The following MATN2 variants were observed in gnomAD, a reference collection of about 807,000 sequenced individuals.
The protein encoded by MATN2 is matrilin-2.
Under a neutral mutation model 103.2 loss-of-function variants are expected in MATN2, and 69 were observed. That is an observed-to-expected ratio of 0.67 (90% CI 0.55 to 0.82). The LOEUF (loss-of-function observed/expected upper bound fraction) is 0.82, where lower values mean the gene tolerates loss of function less well. Among genes scored for constraint, MATN2 ranks in the 40% least tolerant of loss-of-function variants. The probability of loss-of-function intolerance (pLI) is 0.00; values close to 1 mark genes in which losing one functional copy is unlikely to be tolerated. For missense variants in MATN2, 1,023 were observed against 1,211.5 expected (o/e 0.84, Z 2.31); for synonymous variants, 429 against 450.2 (o/e 0.95, Z 0.60).
chr8:97,909,828 G>A (rs1305675271), intron 2 of MATN2, among the ~76,000 whole-genome samples: 7 of 150,956 alleles, frequency 4.6e-5, no homozygotes, highest in South Asian at 2.1e-4. Context: ...CTGTCGCCCC[G>A]GCTGGAGTAC....
chr8:97,879,381 T>C (rs1818178894), intron 1 of MATN2, among the ~76,000 whole-genome samples: 1 of 152,110 alleles, frequency 6.6e-6, no homozygotes, highest in African/African-American at 2.4e-5. Flanking sequence ...AGGTGGGCAG[T>C]GGCCAGTCAA....
intron 5 of MATN2, among the ~76,000 whole-genome samples, chr8:97,972,050 G>A (rs959617514): frequency 2.8e-4 from 43 of 152,164 alleles, no homozygotes; most frequent in African/African-American, 1.0e-3. Context: ...ACAAAAATTA[G>A]CTGGGGGTGG....
At chr8:97,947,817 C>T (rs1810805113) in intron 4 of MATN2, among the ~76,000 whole-genome samples, 2 of 152,140 alleles carry the variant, frequency 1.3e-5, no homozygotes, top group Admixed American at 6.5e-5. Context: ...CCAGTCAGTT[C>T]TCATTATTCC....
intron 2 of MATN2, among the ~76,000 whole-genome samples, chr8:97,921,453 G>A (rs189177283): frequency 5.5e-4 from 80 of 146,664 alleles, no homozygotes; most frequent in East Asian, 1.7e-3. Context: ...CGCAGCTGGC[G>A]ACTGACTAAT....
At chr8:97,990,879 G>A (rs1469285515) in intron 6 of MATN2, among the ~76,000 whole-genome samples, 1 of 152,216 alleles carries the variant, frequency 6.6e-6, no homozygotes. Context: ...GAATTAGCAA[G>A]AGACAGGAGG....
chr8:97,914,928 C>G (rs963437551), intron 2 of MATN2, among the ~76,000 whole-genome samples: 26 of 152,182 alleles, frequency 1.7e-4, no homozygotes, highest in African/African-American at 6.3e-4. Flanking sequence ...TCCCCCACCC[C>G]CTATCTTGGG....
At chr8:97,998,296 G>T (rs941167289) in intron 7 of MATN2, among the ~76,000 whole-genome samples, 2 of 150,346 alleles carry the variant, frequency 1.3e-5, no homozygotes, top group South Asian at 2.1e-4. Flanking sequence ...CGAGGCGGGC[G>T]GATCACAAGG....
At chr8:97,990,179 C>CAAAAAAAAAA (rs34924183) in intron 6 of MATN2, among the ~76,000 whole-genome samples, 1 of 45,828 alleles carries the variant, frequency 2.2e-5, no homozygotes, top group Non-Finnish European at 4.1e-5. Context: ...AAGACTCTGT[C>CAAAAAAAAAA]AAAAAAAAAA....
intron 5 of MATN2, 104 bp from the exon 6 acceptor site, chr8:97,978,779 CAAT>C (rs1811921998): frequency 9.4e-7 from 1 of 1,062,308 alleles, no homozygotes; most frequent in Admixed American, 2.0e-5. Flanking sequence ...TTTTGGGGGG[CAAT>C]AATATTAATC....
At chr8:97,934,372 A>G (rs1351289915) in intron 3 of MATN2, among the ~76,000 whole-genome samples, 1 of 152,236 alleles carries the variant, frequency 6.6e-6, no homozygotes, top group Non-Finnish European at 1.5e-5. Context: ...TGTGTTATGT[A>G]TTATTACAAT....
intron 1 of MATN2, among the ~76,000 whole-genome samples, chr8:97,884,880 C>T (rs1348686391): frequency 6.6e-6 from 1 of 152,164 alleles, no homozygotes; most frequent in South Asian, 2.1e-4. Context: ...ACATATGAAC[C>T]GATTGATTCT....
At chr8:97,941,315 GT>G (rs1005023056) in intron 3 of MATN2, among the ~76,000 whole-genome samples, 1 of 151,734 alleles carries the variant, frequency 6.6e-6, no homozygotes, top group African/African-American at 2.4e-5. Flanking sequence ...AAAAATTTAC[GT>G]TACTCTTGAA....
Position 98,009,485 on chromosome 8 carries a change from A to G in MATN2, c.1573+1884A>G, listed in dbSNP as rs193187075. On this transcript the variant is annotated intron_variant, in intron 10 of 18. Coordinates refer to ENST00000254898, the MANE Select transcript of MATN2 (RefSeq NM_002380.5). ...GAGGCAGCCTCCACTTAGAGCTTTG[A>G]TAGCAAGTGGTCTTAAGAATGTGTC... 4.2e-3 allele frequency among the ~76,000 whole-genome samples: 634 copies of G among 152,324 alleles called. 6 individuals carry two copies. The highest frequency in any genetic ancestry group is 0.014 in the African/African-American group (580 of 41,562).
At chr8:97,907,058 T>C (rs182904627) in intron 2 of MATN2, among the ~76,000 whole-genome samples, 3,531 of 148,090 alleles carry the variant, frequency 0.024, 48 homozygotes, top group Middle Eastern at 0.058. Flanking sequence ...TGGAGTGCAG[T>C]GGTGCAATCT....
intron 2 of MATN2, among the ~76,000 whole-genome samples, chr8:97,907,402 C>T (rs1175420737): frequency 6.6e-6 from 1 of 151,606 alleles, no homozygotes; most frequent in Non-Finnish European, 1.5e-5. Flanking sequence ...AGCTCCACTT[C>T]CCAGGTTCAT....
intron 4 of MATN2, among the ~76,000 whole-genome samples, chr8:97,948,021 G>A (rs920515283): frequency 6.6e-6 from 1 of 152,094 alleles, no homozygotes; most frequent in African/African-American, 2.4e-5. Flanking sequence ...AACATTGAAA[G>A]CTATCGTTCA....
intron 7 of MATN2, 128 bp from the exon 8 acceptor site, chr8:98,003,533 C>T (rs1812855139): frequency 2.1e-6 from 2 of 963,788 alleles, no homozygotes; most frequent in Admixed American, 2.2e-5. Context: ...AATGATCCGT[C>T]CCGGCTTGCC....
intron 5 of MATN2, among the ~76,000 whole-genome samples, chr8:97,976,510 T>C (rs934697860): frequency 6.6e-6 from 1 of 152,270 alleles, no homozygotes; most frequent in African/African-American, 2.4e-5. Flanking sequence ...TTTATTGCTA[T>C]GCTAAATATG....
At chr8:98,013,714 C>T (rs1361944064) in intron 10 of MATN2, among the ~76,000 whole-genome samples, 1 of 152,228 alleles carries the variant, frequency 6.6e-6, no homozygotes, top group African/African-American at 2.4e-5. Flanking sequence ...AAATATTTAT[C>T]TGCCTTTAAG....
Sources: gnomAD v4.1 joint callset for allele counts (sites outside exome capture counted in the v4.1 genomes callset) on GRCh38, gnomAD v4.1.1 for gene constraint, MANE v1.5 for transcripts, NCBI Gene and HGNC (gene_info 2026-07-23, HGNC 2026-07-21) for gene names.